Variants in PDLIM5 observed in about 807,000 individuals in gnomAD.
The protein encoded by PDLIM5 is PDZ and LIM domain 5.
In PDLIM5, 34 loss-of-function variants were observed where a neutral mutation model predicts 64.2. The ratio of observed to expected loss-of-function variants is 0.53; its 90% CI spans 0.40 to 0.71. The LOEUF is 0.71. Ranked by LOEUF, PDLIM5 falls within the 30% of genes least tolerant of loss-of-function variation. The pLI is 0.00. For synonymous variants in PDLIM5, 253 were observed against 269.1 expected (o/e 0.94, Z 0.59); for missense variants, 683 against 733.6 (o/e 0.93, Z 0.80).
At chr4:94,631,168 G>T (rs1740121457) in intron 8 of PDLIM5, among the ~76,000 whole-genome samples, 1 of 151,190 alleles carries the variant, frequency 6.6e-6, no homozygotes, top group Non-Finnish European at 1.5e-5. Flanking sequence ...TTCCCAAAGT[G>T]CAGGGATTGC....
chr4:94,587,240 A>T, intron 7 of PDLIM5: 1 of 1,409,468 alleles, frequency 7.1e-7, no homozygotes, highest in Non-Finnish European at 9.2e-7. Flanking sequence ...GAAAAGGAAG[A>T]TGAACATGTT....
intron 3 of PDLIM5, among the ~76,000 whole-genome samples, chr4:94,561,846 T>C (rs1053241467): frequency 5.3e-5 from 8 of 152,204 alleles, no homozygotes; most frequent in Middle Eastern, 3.2e-3. Context: ...TTATAAGCAC[T>C]TGCTACAGGA....
intron 2 of PDLIM5, among the ~76,000 whole-genome samples, chr4:94,469,179 T>C (rs1053347852): frequency 1.3e-5 from 2 of 152,034 alleles, no homozygotes; most frequent in Non-Finnish European, 2.9e-5. Flanking sequence ...GAAAATACAG[T>C]GATAAACAAA....
chr4:94,523,860 A>G lies in PDLIM5; in HGVS notation c.233A>G (p.Asn78Ser). 1.9e-6 allele frequency: 3 copies of G among 1,612,546 alleles called. No homozygotes were observed. Among genetic ancestry groups the G allele is most frequent in the South Asian group, 1.1e-5 (1 of 90,926 alleles). ...ATTAAGGGTTGTACAGGCTCTTTGA[A>G]TATGACTCTGCAAAGGTAAGTTGCT... ...NKIKGCTGSL[N>S]MTLQRASAAP... The change falls in exon 3 of 13, where the codon AAT (asparagine) becomes AGT (serine). Residue 78 changes from asparagine to serine, a missense_variant. Physicochemically the swap from Asn to Ser is conservative, Grantham distance 46. Transcript: ENST00000317968.
At chr4:94,565,480 T>G (rs545843664) in intron 3 of PDLIM5, among the ~76,000 whole-genome samples, 14 of 152,328 alleles carry the variant, frequency 9.2e-5, no homozygotes, top group South Asian at 8.3e-4. Context: ...ATTGGTAGCA[T>G]GTCACCATCG....
chr4:94,594,711 A>C (rs1736932160), intron 7 of PDLIM5, among the ~76,000 whole-genome samples: 1 of 152,174 alleles, frequency 6.6e-6, no homozygotes, highest in Non-Finnish European at 1.5e-5. Flanking sequence ...TATTATAATA[A>C]TATCAATCTT....
intron 2 of PDLIM5, among the ~76,000 whole-genome samples, chr4:94,490,612 A>T (rs1039969359): frequency 6.6e-6 from 1 of 152,102 alleles, no homozygotes; most frequent in Non-Finnish European, 1.5e-5. Flanking sequence ...ATCCTGTTTA[A>T]TGTAGGCTGG....
intron 3 of PDLIM5, among the ~76,000 whole-genome samples, chr4:94,554,088 T>C (rs954911690): frequency 6.6e-6 from 1 of 152,236 alleles, no homozygotes; most frequent in African/African-American, 2.4e-5. Context: ...GTTGTCTTCA[T>C]ATAATTTTAA....
chr4:94,519,421 G>A (rs972410805), intron 2 of PDLIM5, among the ~76,000 whole-genome samples: 1 of 152,182 alleles, frequency 6.6e-6, no homozygotes, highest in Non-Finnish European at 1.5e-5. Flanking sequence ...TCAAAGAGTG[G>A]AAGCTGGGAC....
At chr4:94,608,030 C>T in intron 7 of PDLIM5, 1 of 1,479,494 alleles carries the variant, frequency 6.8e-7, no homozygotes, top group Non-Finnish European at 9.1e-7. Context: ...ATTTCCTTTG[C>T]CTTATATATT....
In PDLIM5 at chr4:94,576,024, C is replaced by T; in HGVS notation, c.700C>T (p.Gln234Ter). 1 of 1,612,866 alleles carries T rather than the reference C, an allele frequency of 6.2e-7. No homozygotes were observed. The highest frequency in any genetic ancestry group is 8.5e-7 in the Non-Finnish European group (1 of 1,179,098). ...QRRGSQGDSK[Q>*]QNGPPRKHIV... ...AAGAGGATCCCAGGGTGACAGTAAA[C>T]AGCAAAATGGGTAGGTGGCTAAGGT... Residue 234 changes from glutamine (Q) to a stop codon, truncating the protein, a stop_gained, in exon 5 of 13, where the codon CAG becomes TAG. Transcript: ENST00000317968. LOFTEE classifies it high-confidence loss of function.
intron 3 of PDLIM5, among the ~76,000 whole-genome samples, chr4:94,560,821 G>C (rs578213960): frequency 6.6e-6 from 1 of 152,224 alleles, no homozygotes; most frequent in East Asian, 1.9e-4. Context: ...CCACCTCCCG[G>C]GTTCACGCCA....
chr4:94,533,399 T>C (rs1299610816), intron 3 of PDLIM5, among the ~76,000 whole-genome samples: 1 of 152,234 alleles, frequency 6.6e-6, no homozygotes, highest in East Asian at 1.9e-4. Context: ...TGTTTAAAGA[T>C]CTGTTTAGTT....
intron 9 of PDLIM5, among the ~76,000 whole-genome samples, chr4:94,651,008 T>C (rs1741803626): frequency 6.6e-6 from 1 of 152,204 alleles, no homozygotes; most frequent in African/African-American, 2.4e-5. Flanking sequence ...TTAATTCCAC[T>C]CTGCAGTTAT....
At chr4:94,458,938 CA>C (rs1404786337) in intron 2 of PDLIM5, among the ~76,000 whole-genome samples, 1 of 152,166 alleles carries the variant, frequency 6.6e-6, no homozygotes, top group Non-Finnish European at 1.5e-5. Flanking sequence ...TGGATGATCA[CA>C]TGTCATTTAA....
At chr4:94,521,767 C>T (rs1038971190) in intron 2 of PDLIM5, among the ~76,000 whole-genome samples, 1 of 151,822 alleles carries the variant, frequency 6.6e-6, no homozygotes, top group Non-Finnish European at 1.5e-5. Flanking sequence ...AGAACAAATG[C>T]CCATAGATTT....
chr4:94,467,000 C>G (rs995132065), intron 2 of PDLIM5, among the ~76,000 whole-genome samples: 4 of 152,154 alleles, frequency 2.6e-5, no homozygotes, highest in African/African-American at 9.7e-5. Flanking sequence ...TTAAAACAAA[C>G]AAGTTACAGT....
chr4:94,493,593 T>G (rs1727066929), intron 2 of PDLIM5, among the ~76,000 whole-genome samples: 1 of 152,228 alleles, frequency 6.6e-6, no homozygotes, highest in Admixed American at 6.5e-5. Flanking sequence ...TTTTTAAAAC[T>G]CTATACCATA....
chr4:94,464,337 A>G (rs1724157772), intron 2 of PDLIM5, among the ~76,000 whole-genome samples: 1 of 152,216 alleles, frequency 6.6e-6, no homozygotes, highest in Non-Finnish European at 1.5e-5. Flanking sequence ...GCTGTTTACC[A>G]TTGATTGGAT....
Sources: allele counts gnomAD v4.1 joint callset (sites outside exome capture counted in the v4.1 genomes callset), GRCh38; gene constraint gnomAD v4.1.1; transcripts MANE v1.5; gene names NCBI Gene and HGNC (gene_info 2026-07-23, HGNC 2026-07-21).